The following UCHL5 variants were observed in gnomAD, a reference collection of about 807,000 sequenced individuals.
UCHL5 encodes the protein ubiquitin C-terminal hydrolase L5, also known as ubiquitin carboxyl-terminal hydrolase isozyme L5.
Under a neutral mutation model 53.8 loss-of-function variants are expected in UCHL5, and 34 were observed. That is an observed-to-expected ratio of 0.63 (90% CI 0.48 to 0.84). The LOEUF is 0.84. Ranked by LOEUF, UCHL5 falls within the 40% of genes least tolerant of loss-of-function variation. The probability of loss-of-function intolerance (pLI) is 0.00; values close to 1 mark genes in which losing one functional copy is unlikely to be tolerated. For synonymous variants in UCHL5, 111 were observed against 126.3 expected, an observed-to-expected ratio of 0.88 and a Z score of 0.81; for missense variants, 290 against 385.6, an observed-to-expected ratio of 0.75 and a Z score of 2.08.
At chr1:193,059,431 C>T (rs1241619843), upstream of UCHL5, 23 of 1,610,508 alleles carry the variant, frequency 1.4e-5, no homozygotes, top group Non-Finnish European at 1.9e-5. The surrounding 1 kb of genome is among the most constrained non-coding windows in gnomAD (Gnocchi z 4.9). Flanking sequence ...CGACTGAGCG[C>T]GGGAGGACGC....
intron 1 of UCHL5, among the ~76,000 whole-genome samples, chr1:193,054,970 A>G (rs1167385285): frequency 1.3e-5 from 2 of 152,230 alleles, no homozygotes; most frequent in African/African-American, 4.8e-5. Context: ...AATCCAAGAA[A>G]GCCATCTAGT....
chr1:193,024,758 A>G (rs1425290181), intron 7 of UCHL5, among the ~76,000 whole-genome samples: 1 of 152,040 alleles, frequency 6.6e-6, no homozygotes, highest in Non-Finnish European at 1.5e-5. Context: ...AATGGCATTA[A>G]GATGAAAATA....
intron 3 of UCHL5, among the ~76,000 whole-genome samples, chr1:193,046,236 G>A (rs114978303): frequency 7.8e-4 from 118 of 150,752 alleles, no homozygotes; most frequent in Admixed American, 2.3e-3. Flanking sequence ...GCCCTATATC[G>A]CCCAGGCTGG....
At chr1:193,049,941 A>G (rs1668489379) in intron 2 of UCHL5, 90 bp from the exon 3 acceptor site, 3 of 1,100,200 alleles carry the variant, frequency 2.7e-6, no homozygotes, top group Non-Finnish European at 1.3e-6. Flanking sequence ...GTTATCTAAC[A>G]AATATAATAC....
chr1:193,050,780 T>A (rs1192828076), intron 2 of UCHL5, among the ~76,000 whole-genome samples: 1 of 152,008 alleles, frequency 6.6e-6, no homozygotes. Context: ...GTTTCCTATC[T>A]TTTTATTTGA....
chr1:193,020,917 T>C (rs1656758214), intron 10 of UCHL5, among the ~76,000 whole-genome samples, 180 bp downstream of exon 10: 1 of 152,018 alleles, frequency 6.6e-6, no homozygotes. Flanking sequence ...TCTTTATTTT[T>C]GTTTTACAGT....
At chr1:193,045,616 G>A (rs986862990) in intron 3 of UCHL5, among the ~76,000 whole-genome samples, 1 of 152,104 alleles carries the variant, frequency 6.6e-6, no homozygotes, top group African/African-American at 2.4e-5. Context: ...AGAACTGTAG[G>A]TCAATTAAAC....
At position 193,019,691 on chromosome 1, in the gene UCHL5, G is replaced by T. The variant is rs1397221876; in HGVS notation, c.942+1406C>A. Among the ~76,000 whole-genome samples, 4 of 151,804 alleles carry T rather than the reference G, an allele frequency of 2.6e-5. 1 individual carries two copies. The South Asian group carries it at 8.3e-4, about 31-fold the overall frequency. On this transcript the variant is annotated intron_variant, in intron 10 of 10. Coordinates refer to ENST00000367454, the MANE Select transcript of UCHL5 (RefSeq NM_001199261.3). Reference sequence around the variant, plus strand: ...GGAATAATTATTCTAATGTTAAGCTGACAAGCTGTTGTTCTCTAACTATGC... The same window carrying T: ...GGAATAATTATTCTAATGTTAAGCTTACAAGCTGTTGTTCTCTAACTATGC...
intron 3 of UCHL5, among the ~76,000 whole-genome samples, chr1:193,030,791 T>C (rs1661089188): frequency 6.6e-6 from 1 of 152,068 alleles, no homozygotes; most frequent in Non-Finnish European, 1.5e-5. Flanking sequence ...TTAATTCTTA[T>C]AGTTCTCTAT....
At position 193,012,560 on chromosome 1, in the gene UCHL5, TA is replaced by T. The variant is rs1439968038; in HGVS notation, c.*3790del. 6.6e-6 allele frequency: 1 copy of T among 152,190 alleles called. No individual in the cohort carries two copies. Among genetic ancestry groups the T allele is most frequent in the African/African-American group, 2.4e-5 (1 of 41,446 alleles). The allele number at this position is 152,190 out of a possible 1,614,324, so 9.4% of individuals were successfully genotyped here. On this transcript the variant is annotated 3_prime_UTR_variant, in exon 11 of 11. Coordinates refer to ENST00000367454, the MANE Select transcript of UCHL5 (RefSeq NM_001199261.3). ...ACTAGAGAAGTTCTGCCTATATGCCTATATGCAATCCACTTGTACAGTGCTA... is the reference window on the plus strand; with the variant it reads ...ACTAGAGAAGTTCTGCCTATATGCCTTATGCAATCCACTTGTACAGTGCTA...
Position 193,029,569 on chromosome 1 carries a change from G to C in UCHL5, c.335C>G (p.Ser112Ter). ...HQDVHLGETL[S>*]EFKEFSQSFD... is the part of the protein sequence containing the mutation. Reference sequence around the variant, plus strand: ...ACTTTGTGAAAATTCTTTAAACTCTGATAATGTCTCGCCTAAATGGACATC... The same window carrying C: ...ACTTTGTGAAAATTCTTTAAACTCTCATAATGTCTCGCCTAAATGGACATC... Residue 112 changes from serine (S) to a stop codon, truncating the protein, a stop_gained, in exon 4 of 11, where the codon TCA becomes TGA. Transcript: ENST00000367454. LOFTEE classifies it high-confidence loss of function. 6.2e-7 allele frequency: 1 copy of C among 1,613,542 alleles called. No individual in the cohort carries two copies. Among genetic ancestry groups the C allele is most frequent in the Non-Finnish European group, 8.5e-7 (1 of 1,179,744 alleles).
rs1321234204 is a variant in UCHL5 at position 193,023,836 on chromosome 1, C to A, written c.732+8G>T. 5 of 1,605,956 alleles carry A rather than the reference C, an allele frequency of 3.1e-6. No individual in the cohort carries two copies. The highest frequency in any genetic ancestry group is 1.3e-5 in the African/African-American group (1 of 74,544). ...TAGAACTTTGTACTTAGAAACATGG[C>A]CACGAACCTCTGCAAGTTGTCTTTG... On this transcript the variant is annotated splice_region_variant and intron_variant, in intron 8 of 10. Coordinates refer to ENST00000367454, the MANE Select transcript of UCHL5 (RefSeq NM_001199261.3).
chr1:193,039,416 A>T (rs1034938147), intron 3 of UCHL5, among the ~76,000 whole-genome samples: 41 of 152,304 alleles, frequency 2.7e-4, no homozygotes, highest in South Asian at 6.2e-4. Flanking sequence ...CTCAAAAAAA[A>T]AATAATAATC....
chr1:193,054,022 C>CAAAAA (rs11420240), intron 1 of UCHL5, among the ~76,000 whole-genome samples: 1 of 139,962 alleles, frequency 7.1e-6, no homozygotes. Flanking sequence ...CACTGGTTAC[C>CAAAAA]AAAAAAAAAA....
intron 2 of UCHL5, 76 bp from the exon 3 acceptor site, chr1:193,049,927 G>GATTTA (rs1668482426): frequency 8.0e-7 from 1 of 1,256,242 alleles, no homozygotes; most frequent in Admixed American, 2.9e-5. Flanking sequence ...TAAAATTTTA[G>GATTTA]TCAGTTATCT....
Position 193,030,742 on chromosome 1 carries a change from C to T in UCHL5, c.247-1085G>A, listed in dbSNP as rs1419119516. ...TAGTAAATTATCTATTTTTATCCTG[C>T]CTGATTTCAGAAGAAAAAAATTCAA... On this transcript the variant is annotated intron_variant, in intron 3 of 10. Transcript: ENST00000367454. Among the ~76,000 whole-genome samples, 5 of 152,200 alleles carry T rather than the reference C, an allele frequency of 3.3e-5. No individual in the cohort carries two copies. In the East Asian group the frequency reaches 9.6e-4, roughly 29 times the overall value.
At chr1:193,057,788 T>C (rs1055377309) in intron 1 of UCHL5, among the ~76,000 whole-genome samples, 2 of 152,226 alleles carry the variant, frequency 1.3e-5, no homozygotes, top group Non-Finnish European at 2.9e-5. Flanking sequence ...ACATCACTAC[T>C]GTTTATGCTT....
intron 9 of UCHL5, among the ~76,000 whole-genome samples, chr1:193,022,038 A>T (rs995447195): frequency 6.6e-6 from 1 of 152,136 alleles, no homozygotes; most frequent in Non-Finnish European, 1.5e-5. Flanking sequence ...AAGATGGGTA[A>T]TTTACTTTTT....
chr1:193,059,318 G>C lies in UCHL5; in HGVS notation c.-58C>G. 1 of 1,607,466 alleles carries C rather than the reference G, an allele frequency of 6.2e-7. No homozygotes were observed. Among genetic ancestry groups the C allele is most frequent in the Non-Finnish European group, 8.5e-7 (1 of 1,177,128 alleles). On this transcript the variant is annotated 5_prime_UTR_variant, in exon 1 of 11. Coordinates refer to ENST00000367454, the MANE Select transcript of UCHL5 (RefSeq NM_001199261.3). This position sits in a 1 kb window ranked among gnomAD's most constrained non-coding sequence, Gnocchi z 4.9. ...TCGCTCTCAGCTGCCCCCCGCACCA[G>C]CTGCCGCCGGCCACAGATCTCAGCA...
Sources: allele counts gnomAD v4.1 joint callset (sites outside exome capture counted in the v4.1 genomes callset), GRCh38; gene constraint gnomAD v4.1.1; non-coding constraint Gnocchi (gnomAD v3.1); transcripts MANE v1.5; gene names NCBI Gene and HGNC (gene_info 2026-07-23, HGNC 2026-07-21).